SLC22A15: variants seen among roughly 807,000 people sequenced by gnomAD.
The protein encoded by SLC22A15 is solute carrier family 22 member 15, also known as flipt 1.
A neutral mutation model predicts 62.7 loss-of-function variants in SLC22A15; 45 were observed. That is an observed-to-expected ratio of 0.72 (90% CI 0.56 to 0.92). The LOEUF is 0.92. Ranked by LOEUF, SLC22A15 falls within the 40% of genes least tolerant of loss-of-function variation. The pLI is 0.00. For synonymous variants in SLC22A15, 264 were observed against 267.0 expected (o/e 0.99, Z 0.11); for missense variants, 622 against 665.6 (o/e 0.93, Z 0.72).
intron 8 of SLC22A15, among the ~76,000 whole-genome samples, chr1:116,045,458 G>T (rs1657907765): frequency 6.6e-6 from 1 of 151,790 alleles, no homozygotes; most frequent in South Asian, 2.1e-4. Context: ...CTTACAATAG[G>T]CTGGGCATGG....
At chr1:116,025,718 G>T (rs192183194) in intron 4 of SLC22A15, among the ~76,000 whole-genome samples, 1 of 152,278 alleles carries the variant, frequency 6.6e-6, no homozygotes, top group South Asian at 2.1e-4. Flanking sequence ...TCATTTAACC[G>T]CTCTGAGCTA....
Position 116,031,588 on chromosome 1 carries a change from A to G in SLC22A15, c.944+7A>G. 6.2e-7 allele frequency: 1 copy of G among 1,613,010 alleles called. No individual in the cohort carries two copies. Among genetic ancestry groups the G allele is most frequent in the Non-Finnish European group, 8.5e-7 (1 of 1,179,386 alleles). ...TGATCCTGATGTTCATCTGGTAATT[A>G]TACTAAGGCGTGTTCTGTTGCTCTT... On this transcript the variant is annotated splice_region_variant and intron_variant, in intron 6 of 11. Transcript: ENST00000369503.
chr1:116,066,494 T>C, intron 10 of SLC22A15, 26 bp from the exon 11 acceptor site: 1 of 1,480,802 alleles, frequency 6.8e-7, no homozygotes, highest in South Asian at 1.3e-5. Context: ...TCTGGTTTAT[T>C]TTCATTCCAC....
chr1:116,006,850 C>G (rs1656008571), intron 2 of SLC22A15, among the ~76,000 whole-genome samples: 1 of 151,906 alleles, frequency 6.6e-6, no homozygotes. Flanking sequence ...GCCTTTCCCT[C>G]TGTCTGTCTT....
At chr1:116,010,389 G>A (rs1348675922) in intron 2 of SLC22A15, among the ~76,000 whole-genome samples, 3 of 152,116 alleles carry the variant, frequency 2.0e-5, no homozygotes, top group African/African-American at 7.2e-5. Context: ...AAAATTCACT[G>A]CAATTAATTG....
chr1:115,996,578 C>A (rs759176922), intron 2 of SLC22A15, among the ~76,000 whole-genome samples: 1 of 145,834 alleles, frequency 6.9e-6, no homozygotes, highest in Non-Finnish European at 1.5e-5. Flanking sequence ...CTAAATATTT[C>A]TTTTTCTTTT....
chr1:116,013,360 T>A (rs559449809), intron 2 of SLC22A15, among the ~76,000 whole-genome samples: 2 of 152,274 alleles, frequency 1.3e-5, no homozygotes, highest in South Asian at 2.1e-4. Context: ...CCCTTATTTC[T>A]AGTATTCCCT....
intron 8 of SLC22A15, among the ~76,000 whole-genome samples, chr1:116,045,431 C>CT (rs886219366): frequency 2.6e-5 from 4 of 151,878 alleles, no homozygotes; most frequent in African/African-American, 9.7e-5. Flanking sequence ...AAGAACTTAA[C>CT]TTACCTGATT....
intron 2 of SLC22A15, among the ~76,000 whole-genome samples, chr1:115,997,860 G>T (rs746220057): frequency 3.3e-5 from 5 of 152,030 alleles, no homozygotes; most frequent in Non-Finnish European, 7.4e-5. Flanking sequence ...AGACATCCTT[G>T]TCTTGTTCTA....
At chr1:115,991,781 C>T (rs1655151147) in intron 1 of SLC22A15, among the ~76,000 whole-genome samples, 2 of 152,196 alleles carry the variant, frequency 1.3e-5, no homozygotes, top group African/African-American at 4.8e-5. Flanking sequence ...AGAAATATCT[C>T]AAAGAAAGAA....
At chr1:115,992,628 T>TC (rs200485950) in intron 2 of SLC22A15, among the ~76,000 whole-genome samples, 115 of 150,210 alleles carry the variant, frequency 7.7e-4, no homozygotes, top group African/African-American at 2.7e-3. Flanking sequence ...TCTTTTCTTT[T>TC]TTTTTTTTTT....
At chr1:116,051,436 G>C (rs980689745) in intron 8 of SLC22A15, among the ~76,000 whole-genome samples, 2 of 152,094 alleles carry the variant, frequency 1.3e-5, no homozygotes, top group Non-Finnish European at 2.9e-5. Context: ...TGATCTTCAA[G>C]AAAGCAAACA....
At position 116,066,610 on chromosome 1, in the gene SLC22A15, A is replaced by G; in HGVS notation, c.1456A>G (p.Asn486Asp). The G allele has an allele frequency of 6.2e-7, 1 of 1,610,742 alleles. No homozygotes were observed. Among genetic ancestry groups the G allele is most frequent in the Non-Finnish European group, 8.5e-7 (1 of 1,178,630 alleles). Reference protein sequence around the residue: ...LLSLLLPETLNSPLLETFSDL... With the variant: ...LLSLLLPETLDSPLLETFSDL... The stretch of plus-strand genomic sequence containing the variant: ...GAGTTTGTTATTGCCGGAGACCCTT[A>G]ACAGTCCGCTGCTAGAAACATTCTC... The change falls in exon 11 of 12, where the codon AAC becomes GAC. Residue 486 changes from asparagine to aspartate, a missense_variant. By Grantham distance (23) the Asn-to-Asp change is conservative (BLOSUM62 1). Transcript: ENST00000369503.
At chr1:115,991,649 T>C (rs1021006809) in intron 1 of SLC22A15, among the ~76,000 whole-genome samples, 6 of 152,190 alleles carry the variant, frequency 3.9e-5, no homozygotes, top group Non-Finnish European at 7.3e-5. Flanking sequence ...CCTGAAGATA[T>C]AGTGTTGAAG....
chr1:115,982,248 A>G (rs1343630952), intron 1 of SLC22A15, among the ~76,000 whole-genome samples: 1 of 152,160 alleles, frequency 6.6e-6, no homozygotes, highest in Non-Finnish European at 1.5e-5. Context: ...CCTTCATGGG[A>G]CATCATATAG....
At chr1:116,005,503 A>G (rs189629229) in intron 2 of SLC22A15, among the ~76,000 whole-genome samples, 1 of 152,312 alleles carries the variant, frequency 6.6e-6, no homozygotes, top group African/African-American at 2.4e-5. Context: ...CCACATATAC[A>G]GTATATACAT....
rs143769971 is a variant in SLC22A15, at chr1:116,019,810, G to C, written c.433+96G>C. The stretch of plus-strand genomic sequence containing the variant: ...GGGGACTATTTCCTTAAGGTTCTCC[G>C]GGAATTGGCATATGGACACAGAACT... On this transcript the variant is annotated intron_variant, in intron 3 of 11. Transcript: ENST00000369503. The C allele has an allele frequency of 6.5e-5, 87 of 1,328,790 alleles. 1 individual carries two copies. The African/African-American group carries it at 1.0e-3, about 16-fold the overall frequency. 82.3% of individuals were successfully genotyped at this position (1,328,790 alleles called of 1,614,324 possible).
chr1:116,019,487 ATAGAAATTC>A (rs1656709811), intron 2 of SLC22A15, 86 bp from the exon 3 acceptor site: 2 of 1,203,128 alleles, frequency 1.7e-6, no homozygotes, highest in Non-Finnish European at 2.3e-6. Flanking sequence ...ATCATGCAGT[ATAGAAATTC>A]TGGTGTACAA....
intron 2 of SLC22A15, among the ~76,000 whole-genome samples, chr1:116,007,033 G>T (rs1236144872): frequency 1.3e-5 from 2 of 152,140 alleles, no homozygotes; most frequent in African/African-American, 4.8e-5. Context: ...CTTGATTATA[G>T]TTATTGATAA....
Sources: gnomAD v4.1 joint callset for allele counts (sites outside exome capture counted in the v4.1 genomes callset) on GRCh38, gnomAD v4.1.1 for gene constraint, MANE v1.5 for transcripts, NCBI Gene and HGNC (gene_info 2026-07-23, HGNC 2026-07-21) for gene names.